Variants in ARHGAP15 observed in about 807,000 individuals in gnomAD.
ARHGAP15 encodes the protein rho GTPase-activating protein 15.
Under a neutral mutation model 63.7 loss-of-function variants are expected in ARHGAP15, and 51 were observed. The observed-to-expected ratio is 0.80, with a 90% CI of 0.64 to 1.01. The LOEUF (loss-of-function observed/expected upper bound fraction) is 1.01, where lower values mean the gene tolerates loss of function less well. Among genes scored for constraint, ARHGAP15 ranks in the 50% least tolerant of loss-of-function variants. The pLI is 0.00. For missense variants in ARHGAP15, 560 were observed against 564.6 expected, an observed-to-expected ratio of 0.99 and a Z score of 0.08; for synonymous variants, 191 against 193.8, an observed-to-expected ratio of 0.99 and a Z score of 0.12.
chr2:143,479,320 G>A (rs747123422), intron 8 of ARHGAP15, among the ~76,000 whole-genome samples: 15 of 151,168 alleles, frequency 9.9e-5, no homozygotes, highest in Non-Finnish European at 8.8e-5. Flanking sequence ...GAATTACCAC[G>A]CCTACAACTC....
intron 11 of ARHGAP15, among the ~76,000 whole-genome samples, chr2:143,579,518 A>G (rs13424620): frequency 0.52 from 78,580 of 151,970 alleles, 21,485 homozygotes; most frequent in Non-Finnish European, 0.61. Flanking sequence ...TCTTTGTTCC[A>G]TGGATATCAA....
chr2:143,413,966 T>TGTGTGTGTGTGCGC lies in ARHGAP15; in HGVS notation c.475-21634_475-21633insTGTGTGTGTGCGCG. The stretch of plus-strand genomic sequence containing the variant: ...GTGTGTGTGTGTGTGTGTGTGTGTG[T>TGTGTGTGTGTGCGC]GCGCGCTCTCTGGCAGAAAGTTAAT... On this transcript the variant is annotated intron_variant, in intron 6 of 13. Coordinates refer to ENST00000295095, the MANE Select transcript of ARHGAP15 (RefSeq NM_018460.4). Among the ~76,000 whole-genome samples, 337 of 117,902 alleles carry TGTGTGTGTGTGCGC rather than the reference T, an allele frequency of 2.9e-3. 1 individual carries two copies. The highest frequency in any genetic ancestry group is 0.011 in the African/African-American group (308 of 28,224). The allele number at this position is 117,902 out of a possible 152,430, so 77.3% of individuals were successfully genotyped here.
intron 6 of ARHGAP15, among the ~76,000 whole-genome samples, chr2:143,344,894 A>C (rs1433716042): frequency 6.6e-6 from 1 of 152,096 alleles, no homozygotes; most frequent in East Asian, 1.9e-4. Flanking sequence ...AATATAACTA[A>C]TGAGGAAGGC....
intron 4 of ARHGAP15, 26 bp from the exon 5 acceptor site, chr2:143,228,554 CT>C: frequency 6.7e-7 from 1 of 1,499,228 alleles, no homozygotes. Context: ...ATAATGCTTT[CT>C]TTCCCTTTTA....
chr2:143,201,279 A>T (rs1692105991), intron 2 of ARHGAP15, among the ~76,000 whole-genome samples: 1 of 150,946 alleles, frequency 6.6e-6, no homozygotes, highest in Non-Finnish European at 1.5e-5. Context: ...CACCATGCCT[A>T]GCTAATTAAA....
At chr2:143,397,034 T>G (rs1687791975) in intron 6 of ARHGAP15, among the ~76,000 whole-genome samples, 1 of 152,044 alleles carries the variant, frequency 6.6e-6, no homozygotes, top group Non-Finnish European at 1.5e-5. Context: ...AATAGAGTTC[T>G]CCTCCTCCAC....
At chr2:143,617,606 A>G (rs1698498138) in intron 11 of ARHGAP15, among the ~76,000 whole-genome samples, 1 of 152,240 alleles carries the variant, frequency 6.6e-6, no homozygotes, top group East Asian at 1.9e-4. Context: ...TAAAGATCCA[A>G]TCTCCAAACA....
At chr2:143,153,861 C>T (rs1195680621) in intron 1 of ARHGAP15, among the ~76,000 whole-genome samples, 3 of 81,638 alleles carry the variant, frequency 3.7e-5, no homozygotes, top group Admixed American at 1.7e-4. Context: ...CCTCCTCCTC[C>T]TCCTCCTCCT....
intron 12 of ARHGAP15, among the ~76,000 whole-genome samples, chr2:143,656,499 A>G (rs1681441581): frequency 6.6e-6 from 1 of 152,212 alleles, no homozygotes; most frequent in African/African-American, 2.4e-5. Context: ...AAAAGCAAGA[A>G]AAGCCTTCTG....
At chr2:143,170,845 C>A (rs1294881762) in intron 2 of ARHGAP15, among the ~76,000 whole-genome samples, 4 of 152,214 alleles carry the variant, frequency 2.6e-5, no homozygotes, top group Middle Eastern at 3.4e-3. Context: ...TATTAGTCAG[C>A]ATTTTATGTG....
At chr2:143,633,550 T>G (rs1680156538) in intron 12 of ARHGAP15, among the ~76,000 whole-genome samples, 1 of 152,152 alleles carries the variant, frequency 6.6e-6, no homozygotes, top group African/African-American at 2.4e-5. Context: ...TTGCACTCCT[T>G]TCTTCCATCT....
intron 12 of ARHGAP15, among the ~76,000 whole-genome samples, chr2:143,633,005 G>T (rs545923458): frequency 3.7e-4 from 56 of 152,220 alleles, no homozygotes; most frequent in African/African-American, 1.2e-3. Context: ...AGGGTGTAAA[G>T]GTTCATCACA....
chr2:143,470,962 TATG>T (rs1416222856), intron 8 of ARHGAP15, among the ~76,000 whole-genome samples: 2 of 135,590 alleles, frequency 1.5e-5, no homozygotes, highest in Non-Finnish European at 3.3e-5. Context: ...ATGTGTATCA[TATG>T]TGTGTACATA....
intron 11 of ARHGAP15, among the ~76,000 whole-genome samples, chr2:143,579,628 C>A (rs1696810855): frequency 6.6e-6 from 1 of 152,122 alleles, no homozygotes; most frequent in Non-Finnish European, 1.5e-5. Context: ...AAATGCATCC[C>A]TGTTTCCAGG....
intron 8 of ARHGAP15, among the ~76,000 whole-genome samples, chr2:143,468,272 T>C (rs1691332352): frequency 2.0e-5 from 3 of 152,212 alleles, no homozygotes; most frequent in South Asian, 2.1e-4. Context: ...ATTCTGTTTG[T>C]AGTCAACTTT....
At chr2:143,460,840 C>A (rs1399617172) in intron 8 of ARHGAP15, among the ~76,000 whole-genome samples, 1 of 152,116 alleles carries the variant, frequency 6.6e-6, no homozygotes, top group African/African-American at 2.4e-5. Flanking sequence ...GGGCAGCTTC[C>A]AGGGGCAGTT....
At chr2:143,763,933 A>C (rs1686863751) in intron 13 of ARHGAP15, among the ~76,000 whole-genome samples, 1 of 151,382 alleles carries the variant, frequency 6.6e-6, no homozygotes, top group South Asian at 2.1e-4. Context: ...AGTTACTACA[A>C]GTAACTTGAT....
intron 6 of ARHGAP15, among the ~76,000 whole-genome samples, chr2:143,372,925 C>T (rs773777907): frequency 1.2e-4 from 18 of 151,130 alleles, no homozygotes; most frequent in Non-Finnish European, 2.5e-4. Context: ...TTTTAAAAGC[C>T]TATGACAGTG....
chr2:143,649,301 C>T (rs1681047329), intron 12 of ARHGAP15, among the ~76,000 whole-genome samples: 2 of 151,956 alleles, frequency 1.3e-5, no homozygotes, highest in Non-Finnish European at 2.9e-5. Flanking sequence ...CTCAAATTCT[C>T]CTTTGGACAA....
Sources: gnomAD v4.1 joint callset for allele counts (sites outside exome capture counted in the v4.1 genomes callset) on GRCh38, gnomAD v4.1.1 for gene constraint, MANE v1.5 for transcripts, NCBI Gene and HGNC (gene_info 2026-07-23, HGNC 2026-07-21) for gene names.